The following NRXN3 variants were observed in gnomAD, a reference collection of about 807,000 sequenced individuals.
NRXN3 encodes neurexin III.
In NRXN3, 32 loss-of-function variants were observed where a neutral mutation model predicts 137.6. The observed-to-expected ratio is 0.23, with a 90% CI of 0.18 to 0.31. NRXN3 has a LOEUF of 0.31. Among genes scored for constraint, NRXN3 ranks in the 10% least tolerant of loss-of-function variants. The probability of loss-of-function intolerance (pLI) is 1.00; values close to 1 mark genes in which losing one functional copy is unlikely to be tolerated. For synonymous variants in NRXN3, 798 were observed against 784.5 expected (o/e 1.02, Z -0.29); for missense variants, 1,574 against 2,062.5 (o/e 0.76, Z 4.59).
chr14:79,524,646 T>C (rs1215514004), intron 16 of NRXN3, among the ~76,000 whole-genome samples: 1 of 152,236 alleles, frequency 6.6e-6, no homozygotes, highest in Non-Finnish European at 1.5e-5. Context: ...TGGATATCAC[T>C]GTAGGGACCA....
intron 16 of NRXN3, among the ~76,000 whole-genome samples, chr14:79,610,063 G>T (rs577677211): frequency 1.3e-5 from 2 of 152,038 alleles, no homozygotes; most frequent in South Asian, 4.1e-4. Context: ...AAACCTGCAC[G>T]TTCTGTACAT....
chr14:79,585,454 G>C (rs184346), intron 16 of NRXN3, among the ~76,000 whole-genome samples: 27,489 of 151,872 alleles, frequency 0.18, 3,174 homozygotes, highest in African/African-American at 0.32. Context: ...TGGGAGGCCA[G>C]GGCAGGCAGA....
At chr14:79,626,132 T>C (rs1025792129) in intron 16 of NRXN3, among the ~76,000 whole-genome samples, 2 of 152,212 alleles carry the variant, frequency 1.3e-5, no homozygotes, top group African/African-American at 4.8e-5. Context: ...CTCTGTTTAG[T>C]AGTTACATAA....
intron 19 of NRXN3, among the ~76,000 whole-genome samples, chr14:79,750,358 T>A (rs76577956): frequency 0.019 from 2,894 of 152,238 alleles, 50 homozygotes; most frequent in Non-Finnish European, 0.031. Flanking sequence ...TTTTAAGTAA[T>A]TATGTGCTCA....
At chr14:79,753,971 T>A (rs901055338) in intron 19 of NRXN3, among the ~76,000 whole-genome samples, 12 of 152,088 alleles carry the variant, frequency 7.9e-5, no homozygotes, top group African/African-American at 2.7e-4. Context: ...TATATTGTTT[T>A]AGGTATTATA....
rs1195504364 is a variant in NRXN3, at chr14:79,238,216, A to ACTCACTTTTTTAATACTAGGC, written c.3263-228999_3263-228979dup. Reference sequence around the variant, plus strand: ...GTTTTAATATTTTTTAAACAAAAGGACTCACTTTTTTAATACTAGGCCTCA... The same window carrying ACTCACTTTTTTAATACTAGGC: ...GTTTTAATATTTTTTAAACAAAAGGACTCACTTTTTTAATACTAGGCCTCACTTTTTTAATACTAGGCCTCA... On this transcript the variant is annotated intron_variant, in intron 15 of 20. Transcript: ENST00000335750. 3.3e-5 allele frequency among the ~76,000 whole-genome samples: 5 copies of ACTCACTTTTTTAATACTAGGC among 152,088 alleles called. No homozygotes were observed. In the East Asian group the frequency reaches 9.6e-4, roughly 29 times the overall value.
intron 10 of NRXN3, among the ~76,000 whole-genome samples, chr14:78,855,289 C>T (rs947179610): frequency 1.3e-5 from 2 of 152,046 alleles, no homozygotes; most frequent in African/African-American, 4.8e-5. Flanking sequence ...TTTGTAGAGA[C>T]AAATGTTTAT....
intron 4 of NRXN3, among the ~76,000 whole-genome samples, chr14:78,401,836 A>G (rs937108767): frequency 2.0e-5 from 3 of 152,238 alleles, no homozygotes; most frequent in Non-Finnish European, 4.4e-5. Context: ...TAAAAAGGCA[A>G]TACACAATAG....
intron 9 of NRXN3, 41 bp downstream of exon 9, chr14:78,803,864 T>A (rs781496892): frequency 1.3e-6 from 2 of 1,544,474 alleles, no homozygotes; most frequent in Non-Finnish European, 1.8e-6. Flanking sequence ...TTTGGGCTTG[T>A]CTTCCCTTTC....
At chr14:78,853,177 C>T (rs1289237552) in intron 10 of NRXN3, among the ~76,000 whole-genome samples, 1 of 152,142 alleles carries the variant, frequency 6.6e-6, no homozygotes, top group East Asian at 1.9e-4. Context: ...ATTAACTCAT[C>T]ATTTACATGA....
At chr14:79,268,589 G>A (rs987896742) in intron 15 of NRXN3, among the ~76,000 whole-genome samples, 4 of 152,174 alleles carry the variant, frequency 2.6e-5, no homozygotes, top group African/African-American at 9.7e-5. Flanking sequence ...AAGGGGCAAA[G>A]AGAAAGCAGA....
intron 16 of NRXN3, among the ~76,000 whole-genome samples, chr14:79,653,382 T>G (rs924341346): frequency 6.6e-6 from 1 of 152,192 alleles, no homozygotes; most frequent in African/African-American, 2.4e-5. Context: ...GTGTGCTATC[T>G]TTTAGAGTCC....
intron 2 of NRXN3, among the ~76,000 whole-genome samples, chr14:78,258,021 A>G (rs1365977899): frequency 6.6e-6 from 1 of 152,176 alleles, no homozygotes; most frequent in Non-Finnish European, 1.5e-5. Context: ...TTGGAATCAG[A>G]TTGCCTGTCA....
At chr14:78,492,490 A>C (rs1449803433) in intron 4 of NRXN3, among the ~76,000 whole-genome samples, 1 of 152,220 alleles carries the variant, frequency 6.6e-6, no homozygotes, top group Non-Finnish European at 1.5e-5. Context: ...TTTAAAAAGC[A>C]CTAGGTATAG....
chr14:78,628,272 T>C (rs959583414), intron 4 of NRXN3, among the ~76,000 whole-genome samples: 1 of 152,122 alleles, frequency 6.6e-6, no homozygotes, highest in Non-Finnish European at 1.5e-5. Context: ...AGGGTCTCTT[T>C]GTTGCCCAGG....
chr14:79,284,345 T>TAC (rs1188580462), intron 15 of NRXN3, among the ~76,000 whole-genome samples: 23 of 42,850 alleles, frequency 5.4e-4, no homozygotes, highest in Admixed American at 1.6e-3. Flanking sequence ...TAAAAATACA[T>TAC]ATATATATAT....
intron 19 of NRXN3, among the ~76,000 whole-genome samples, chr14:79,724,955 A>C (rs1012309118): frequency 1.3e-5 from 2 of 152,134 alleles, no homozygotes; most frequent in African/African-American, 2.4e-5. Context: ...AAAAAGAGGA[A>C]TTTAACCAGT....
intron 19 of NRXN3, among the ~76,000 whole-genome samples, chr14:79,790,768 A>G (rs2140284969): frequency 6.6e-6 from 1 of 151,844 alleles, no homozygotes; most frequent in South Asian, 2.1e-4. Flanking sequence ...TTATAGATGC[A>G]TGCCACCACA....
chr14:79,490,578 A>G (rs73341403), intron 16 of NRXN3, among the ~76,000 whole-genome samples: 6,333 of 151,960 alleles, frequency 0.042, 435 homozygotes, highest in African/African-American at 0.15. Flanking sequence ...AGAGACAAAT[A>G]TCATACGTTC....
Sources: gnomAD v4.1 joint callset for allele counts (sites outside exome capture counted in the v4.1 genomes callset) on GRCh38, gnomAD v4.1.1 for gene constraint, MANE v1.5 for transcripts, NCBI Gene and HGNC (gene_info 2026-07-23, HGNC 2026-07-21) for gene names.